Variants in KAZN observed in about 807,000 individuals in gnomAD.
KAZN encodes the protein kazrin.
A neutral mutation model predicts 87.4 loss-of-function variants in KAZN; 40 were observed. That is an observed-to-expected ratio of 0.46 (90% CI 0.36 to 0.60). The LOEUF is 0.60. Among genes scored for constraint, KAZN ranks in the 20% least tolerant of loss-of-function variants. KAZN has a pLI of 0.00. For synonymous variants in KAZN, 466 were observed against 458.3 expected (o/e 1.02, Z -0.22); for missense variants, 898 against 1,073.9 (o/e 0.84, Z 2.29).
intron 2 of KAZN, among the ~76,000 whole-genome samples, chr1:14,998,593 G>A (rs1668139349): frequency 6.6e-6 from 1 of 152,080 alleles, no homozygotes; most frequent in Non-Finnish European, 1.5e-5. Flanking sequence ...CTGCTGCCCA[G>A]GCTGGAGTGC....
At chr1:15,105,607 A>G (rs1641267948) in intron 13 of KAZN, among the ~76,000 whole-genome samples, 1 of 151,402 alleles carries the variant, frequency 6.6e-6, no homozygotes, top group Admixed American at 6.6e-5. Context: ...GGTTTTGTTG[A>G]CAGAGCCCAG....
At chr1:14,173,153 A>G (rs1570934971) in intron 1 of KAZN, among the ~76,000 whole-genome samples, 1 of 152,166 alleles carries the variant, frequency 6.6e-6, no homozygotes, top group African/African-American at 2.4e-5. Context: ...AAAATTTAAG[A>G]TTATCTTTAA....
intron 4 of KAZN, among the ~76,000 whole-genome samples, chr1:15,052,131 G>C (rs1248994227): frequency 1.3e-5 from 2 of 152,098 alleles, no homozygotes; most frequent in East Asian, 3.9e-4. Context: ...TCTAATGCAT[G>C]TGTGTGTGTA....
At chr1:14,800,703 CAAAA>C (rs1262214436) in intron 1 of KAZN, among the ~76,000 whole-genome samples, 3 of 152,000 alleles carry the variant, frequency 2.0e-5, no homozygotes, top group Non-Finnish European at 4.4e-5. Flanking sequence ...GGCCCTGTCT[CAAAA>C]AAGAGAATGA....
chr1:14,361,029 C>T (rs572764761), intron 2 of KAZN, among the ~76,000 whole-genome samples: 71 of 152,322 alleles, frequency 4.7e-4, no homozygotes, highest in African/African-American at 1.7e-3. Flanking sequence ...TCTGCTGAAG[C>T]TGCACAGCTG....
rs535525398 is a variant in KAZN, at chr1:14,762,890, A to G, written c.226+163667A>G. Among the ~76,000 whole-genome samples, 13 of 152,278 alleles carry G rather than the reference A, an allele frequency of 8.5e-5. No homozygotes were observed. In the East Asian group the frequency reaches 2.5e-3, roughly 29 times the overall value. Reference sequence around the variant, plus strand: ...AATAATAATAATAATACCTACTTCTATGGGTTATTGAGATAGAAGGTGCCT... The same window carrying G: ...AATAATAATAATAATACCTACTTCTGTGGGTTATTGAGATAGAAGGTGCCT... On this transcript the variant is annotated intron_variant, in intron 1 of 14. Transcript: ENST00000376030.
chr1:13,966,540 C>T (rs1250592029), intron 1 of KAZN, among the ~76,000 whole-genome samples: 2 of 152,108 alleles, frequency 1.3e-5, no homozygotes, highest in Non-Finnish European at 2.9e-5. Context: ...AGAGTGGTGA[C>T]CTGACATCTC....
chr1:14,328,747 T>C (rs1020712480), intron 2 of KAZN, among the ~76,000 whole-genome samples: 17 of 23,334 alleles, frequency 7.3e-4, no homozygotes, highest in Admixed American at 1.8e-3. Flanking sequence ...CATCCCTAAC[T>C]GAAAAAAAAA....
intron 1 of KAZN, among the ~76,000 whole-genome samples, chr1:14,711,213 A>G (rs1387281488): frequency 1.3e-5 from 2 of 151,922 alleles, no homozygotes; most frequent in Non-Finnish European, 2.9e-5. Flanking sequence ...AAGAAGTATT[A>G]TTGAAGGAAT....
intron 1 of KAZN, among the ~76,000 whole-genome samples, chr1:14,072,282 T>C (rs925232859): frequency 1.3e-5 from 2 of 152,190 alleles, no homozygotes; most frequent in Non-Finnish European, 2.9e-5. Flanking sequence ...TTTAGTTTTG[T>C]GTTGTGTTTT....
intron 13 of KAZN, among the ~76,000 whole-genome samples, chr1:15,110,704 C>A (rs573807511): frequency 4.6e-5 from 7 of 152,362 alleles, no homozygotes; most frequent in African/African-American, 1.7e-4. Flanking sequence ...ACACGTGCGA[C>A]CACTGTCCTA....
intron 1 of KAZN, among the ~76,000 whole-genome samples, chr1:14,745,933 T>C (rs1026930897): frequency 2.0e-5 from 3 of 152,156 alleles, no homozygotes; most frequent in African/African-American, 7.2e-5. Flanking sequence ...TGCTGGGCAC[T>C]TGGCATCCCC....
intron 1 of KAZN, among the ~76,000 whole-genome samples, chr1:14,861,870 C>T (rs1650892726): frequency 6.6e-6 from 1 of 152,200 alleles, no homozygotes; most frequent in African/African-American, 2.4e-5. Flanking sequence ...GAGAGCCGAT[C>T]TGAGCAGGGA....
At chr1:14,754,023 G>C (rs1316106495) in intron 1 of KAZN, among the ~76,000 whole-genome samples, 1 of 152,222 alleles carries the variant, frequency 6.6e-6, no homozygotes, top group African/African-American at 2.4e-5. Context: ...ACTTGGCTAG[G>C]ACTTGGAGGT....
In KAZN at chr1:15,055,961, G is replaced by A. The variant is rs962246248; in HGVS notation, c.727-130G>A. The A allele has an allele frequency of 6.8e-5, 59 of 866,856 alleles. 1 individual carries two copies. The highest frequency in any genetic ancestry group is 5.1e-5 in the African/African-American group (3 of 59,028). The allele number at this position is 866,856 out of a possible 1,614,324, so 53.7% of individuals were successfully genotyped here. A position where few individuals can be genotyped will look rare whatever the true frequency, so the allele number is the denominator to read the frequency against. ...GCGCTTGACTTACCAATTGACGCTC[G>A]ATGCCGAGCCAGCAATACCCGGTGC... On this transcript the variant is annotated intron_variant, in intron 4 of 14. Transcript: ENST00000376030.
intron 2 of KAZN, among the ~76,000 whole-genome samples, chr1:14,241,553 T>A (rs1316202788): frequency 6.6e-6 from 1 of 152,178 alleles, no homozygotes; most frequent in Non-Finnish European, 1.5e-5. Flanking sequence ...GACTTAGCAT[T>A]CATTTCTTCA....
chr1:14,012,248 A>G (rs950324323), intron 1 of KAZN, among the ~76,000 whole-genome samples: 1 of 152,244 alleles, frequency 6.6e-6, no homozygotes, highest in African/African-American at 2.4e-5. Context: ...ATGTTCATTA[A>G]AGTTACATAT....
chr1:14,820,107 T>G lies in KAZN; in HGVS notation c.227-140577T>G, dbSNP rs1271461396. ...GTGCTCAGGAATCACCTGGAGAATTTGTGAATTTATGAAAACAGTTTCCTG... is the reference window on the plus strand; with the variant it reads ...GTGCTCAGGAATCACCTGGAGAATTGGTGAATTTATGAAAACAGTTTCCTG... On this transcript the variant is annotated intron_variant, in intron 1 of 14. Transcript: ENST00000376030. The surrounding 1 kb of genome is among the most constrained non-coding windows in gnomAD (Gnocchi z 4.1). Among the ~76,000 whole-genome samples the G allele has an allele frequency of 6.6e-6, 1 of 152,190 alleles. No individual in the cohort carries two copies. The highest frequency in any genetic ancestry group is 2.4e-5 in the African/African-American group (1 of 41,442).
intron 1 of KAZN, among the ~76,000 whole-genome samples, chr1:13,918,978 T>C (rs978515122): frequency 6.6e-6 from 1 of 152,158 alleles, no homozygotes; most frequent in African/African-American, 2.4e-5. Context: ...TGAGATTAGA[T>C]AGTGGGCCTT....
Sources: gnomAD v4.1 joint callset for allele counts (sites outside exome capture counted in the v4.1 genomes callset) on GRCh38, gnomAD v4.1.1 for gene constraint, Gnocchi (gnomAD v3.1) non-coding constraint, MANE v1.5 for transcripts, NCBI Gene and HGNC (gene_info 2026-07-23, HGNC 2026-07-21) for gene names.